The following RABGAP1L variants were observed in gnomAD, a reference collection of about 807,000 sequenced individuals.
RABGAP1L encodes the protein RAB GTPase activating protein 1 like.
A neutral mutation model predicts 137.7 loss-of-function variants in RABGAP1L; 63 were observed. The observed-to-expected ratio is 0.46, with a 90% CI of 0.37 to 0.56. The LOEUF is 0.56. Ranked by LOEUF, RABGAP1L falls within the 20% of genes least tolerant of loss-of-function variation. RABGAP1L has a pLI of 0.00. For missense variants in RABGAP1L, 1,095 were observed against 1,244.0 expected (o/e 0.88, Z 1.80); for synonymous variants, 431 against 433.7 (o/e 0.99, Z 0.08).
intron 11 of RABGAP1L, among the ~76,000 whole-genome samples, chr1:174,321,487 A>G (rs1679977921): frequency 1.3e-5 from 2 of 152,180 alleles, no homozygotes; most frequent in South Asian, 4.1e-4. Flanking sequence ...CCGGACTCCC[A>G]GCTTTTAAAT....
chr1:174,611,995 C>T (rs546157284), intron 13 of RABGAP1L, among the ~76,000 whole-genome samples: 1 of 152,226 alleles, frequency 6.6e-6, no homozygotes, highest in Non-Finnish European at 1.5e-5. Flanking sequence ...ATCATGTCAT[C>T]TGCAAACAGG....
At chr1:174,224,224 C>G (rs1669990743) in intron 3 of RABGAP1L, among the ~76,000 whole-genome samples, 1 of 152,020 alleles carries the variant, frequency 6.6e-6, no homozygotes, top group African/African-American at 2.4e-5. Flanking sequence ...ACCTGTAATC[C>G]CAGCACTTTG....
chr1:174,228,762 T>A (rs1177953280), intron 3 of RABGAP1L, among the ~76,000 whole-genome samples: 1 of 152,152 alleles, frequency 6.6e-6, no homozygotes, highest in Non-Finnish European at 1.5e-5. Flanking sequence ...TTGTGAATTA[T>A]TTATTAAAAT....
Position 174,276,427 on chromosome 1 carries a change from G to A in RABGAP1L, c.1156+492G>A, listed in dbSNP as rs57974684. ...TCCAAAGCACTGGGATTACAGATGTGAGCCACTGCACCTGGCCTGAATTAA... is the reference window on the plus strand; with the variant it reads ...TCCAAAGCACTGGGATTACAGATGTAAGCCACTGCACCTGGCCTGAATTAA... On this transcript the variant is annotated intron_variant, in intron 9 of 25. Coordinates refer to ENST00000681986, the MANE Select transcript of RABGAP1L (RefSeq NM_001366446.1). 4.5e-3 allele frequency among the ~76,000 whole-genome samples: 683 copies of A among 152,188 alleles called. 4 individuals are homozygous for A. Among genetic ancestry groups the A allele is most frequent in the African/African-American group, 0.016 (653 of 41,510 alleles).
At chr1:174,762,346 G>A (rs905134229) in intron 18 of RABGAP1L, among the ~76,000 whole-genome samples, 8 of 152,064 alleles carry the variant, frequency 5.3e-5, no homozygotes, top group African/African-American at 1.9e-4. Context: ...TTTCCCAATA[G>A]ACCAATCTGT....
intron 13 of RABGAP1L, among the ~76,000 whole-genome samples, chr1:174,509,903 AAC>A (rs775366381): frequency 1.3e-5 from 2 of 152,178 alleles, no homozygotes; most frequent in Non-Finnish European, 2.9e-5. Context: ...CTACTTATGT[AAC>A]ATCATCAAAT....
At chr1:174,676,237 A>T (rs1296222279) in intron 14 of RABGAP1L, among the ~76,000 whole-genome samples, 1 of 152,162 alleles carries the variant, frequency 6.6e-6, no homozygotes, top group Non-Finnish European at 1.5e-5. Flanking sequence ...ATATTATTCT[A>T]AGAAGGCTTT....
At chr1:174,223,635 C>T (rs1669943601) in intron 3 of RABGAP1L, among the ~76,000 whole-genome samples, 1 of 151,920 alleles carries the variant, frequency 6.6e-6, no homozygotes, top group African/African-American at 2.4e-5. Context: ...GGGAGAGATG[C>T]CATGTTGATT....
chr1:174,597,889 C>T (rs981961108), intron 13 of RABGAP1L, among the ~76,000 whole-genome samples: 2 of 152,084 alleles, frequency 1.3e-5, no homozygotes, highest in South Asian at 2.1e-4. Flanking sequence ...GAATTTCCTT[C>T]TTAATTTCTT....
At chr1:174,511,626 GTT>G (rs774802995) in intron 13 of RABGAP1L, among the ~76,000 whole-genome samples, 2 of 139,922 alleles carry the variant, frequency 1.4e-5, no homozygotes, top group Non-Finnish European at 1.6e-5. Context: ...TCTTTCTTTT[GTT>G]TTTTTTTTTT....
chr1:174,178,204 T>C (rs1558006635), intron 1 of RABGAP1L, among the ~76,000 whole-genome samples: 1 of 152,340 alleles, frequency 6.6e-6, no homozygotes, highest in Non-Finnish European at 1.5e-5. Flanking sequence ...ATGTCCCTTA[T>C]AAGTTGTATT....
chr1:174,315,862 A>G (rs943481396), intron 11 of RABGAP1L, among the ~76,000 whole-genome samples: 2 of 152,108 alleles, frequency 1.3e-5, no homozygotes, highest in African/African-American at 2.4e-5. Context: ...TTTAAGGCCA[A>G]TAATGCTTAG....
chr1:174,196,304 A>G (rs2148366744), intron 1 of RABGAP1L, among the ~76,000 whole-genome samples: 1 of 150,618 alleles, frequency 6.6e-6, no homozygotes, highest in African/African-American at 2.4e-5. Context: ...GCTCACTGCA[A>G]GCTCTGCCTC....
chr1:174,367,129 C>G (rs1398769727), intron 11 of RABGAP1L: 1 of 152,660 alleles, frequency 6.6e-6, no homozygotes, highest in African/African-American at 2.4e-5. Flanking sequence ...TGACTTCCTC[C>G]TTTGTTATAT....
At chr1:174,482,092 T>C (rs1304145069) in intron 13 of RABGAP1L, among the ~76,000 whole-genome samples, 1 of 152,076 alleles carries the variant, frequency 6.6e-6, no homozygotes, top group African/African-American at 2.4e-5. Context: ...AGTGATACCA[T>C]GTGAGATCTC....
At chr1:174,937,190 G>A (rs1342613758) in intron 19 of RABGAP1L, among the ~76,000 whole-genome samples, 1 of 151,922 alleles carries the variant, frequency 6.6e-6, no homozygotes, top group Non-Finnish European at 1.5e-5. Context: ...TGTTGGCCAG[G>A]CTGGCCTCAA....
chr1:174,620,194 A>C (rs1404251169), intron 13 of RABGAP1L, among the ~76,000 whole-genome samples: 1 of 152,226 alleles, frequency 6.6e-6, no homozygotes. Flanking sequence ...GGGAGACTTT[A>C]ACACCCCACT....
At chr1:174,988,873 T>C (rs1369630591) in intron 25 of RABGAP1L, 35 bp downstream of exon 25, 1 of 1,507,434 alleles carries the variant, frequency 6.6e-7, no homozygotes, top group South Asian at 1.3e-5. Flanking sequence ...GAAGAAAGAA[T>C]AAACAATTAA....
In RABGAP1L at chr1:174,230,996, C is replaced by A. The variant is rs1385755169; in HGVS notation, c.332-149C>A. 6 of 568,054 alleles carry A rather than the reference C, an allele frequency of 1.1e-5. No individual in the cohort carries two copies. In the East Asian group the frequency reaches 1.5e-4, roughly 14 times the overall value. 35.2% of individuals were successfully genotyped at this position (568,054 alleles called of 1,614,324 possible). A position where few individuals can be genotyped will look rare whatever the true frequency, so the allele number is the denominator to read the frequency against. ...AATCCTAGAATCCTAGATTTTAAAT[C>A]CTAAAATTTTAAAATATAAAAGGAG... On this transcript the variant is annotated intron_variant, in intron 3 of 25. Transcript: ENST00000681986.
Sources: gnomAD v4.1 joint callset for allele counts (sites outside exome capture counted in the v4.1 genomes callset) on GRCh38, gnomAD v4.1.1 for gene constraint, MANE v1.5 for transcripts, NCBI Gene and HGNC (gene_info 2026-07-23, HGNC 2026-07-21) for gene names.